NHS: variants seen among roughly 807,000 people sequenced by gnomAD.
NHS encodes the protein NHS actin remodeling regulator.
Under a neutral mutation model 72.5 loss-of-function variants are expected in NHS, and 5 were observed. The observed-to-expected ratio is 0.07, with a 90% CI of 0.04 to 0.14. The LOEUF (loss-of-function observed/expected upper bound fraction) is 0.14, where lower values mean the gene tolerates loss of function less well. NHS is among the 10% of genes least tolerant of loss of function. The pLI, the probability that NHS is intolerant of heterozygous loss-of-function variation, is 1.00. For missense variants in NHS, 1,072 were observed against 1,355.7 expected (o/e 0.79, Z 3.29); for synonymous variants, 464 against 547.7 (o/e 0.85, Z 2.13).
chrX:17,598,281 A>G (rs1261327420), intron 1 of NHS, among the ~76,000 whole-genome samples: 6 of 111,776 alleles, frequency 5.4e-5, no homozygotes, highest in Non-Finnish European at 1.1e-4. Context: ...GGGAGTCCAG[A>G]CTCCAAGTCA....
chrX:17,600,224 C>T (rs866847277), intron 1 of NHS, among the ~76,000 whole-genome samples: 3 of 110,458 alleles, frequency 2.7e-5, no homozygotes, highest in Non-Finnish European at 5.7e-5. Context: ...AAAAAGTTTG[C>T]GCTGGAAAAG....
intron 1 of NHS, among the ~76,000 whole-genome samples, chrX:17,539,522 C>T (rs755401592): frequency 1.8e-5 from 2 of 110,111 alleles, no homozygotes; most frequent in South Asian, 4.0e-4. Context: ...ACAAAATTAT[C>T]GAATGAATGA....
In NHS at chrX:17,560,217, G is replaced by A. The variant is rs773814604; in HGVS notation, c.566-127525G>A. 2.6e-4 allele frequency among the ~76,000 whole-genome samples: 29 copies of A among 111,484 alleles called. No homozygotes were observed. In the South Asian group the frequency reaches 0.011, roughly 42 times the overall value. On this transcript the variant is annotated intron_variant, in intron 1 of 8. Transcript: ENST00000676302. ...GAGCCAGCCCTCTCTCCTTTGGGCT[G>A]CCTGCTTCCAAGCCCTGTTTAACTT... is the stretch of plus-strand genomic sequence containing the variant.
chrX:17,718,185 T>C (rs1254371876), intron 3 of NHS, among the ~76,000 whole-genome samples: 3 of 110,263 alleles, frequency 2.7e-5, no homozygotes, highest in Non-Finnish European at 3.8e-5. Flanking sequence ...ATGAGGAAAC[T>C]GACCTTGGGG....
At chrX:17,429,411 C>G (rs1174411676) in intron 1 of NHS, among the ~76,000 whole-genome samples, 1 of 111,758 alleles carries the variant, frequency 8.9e-6, no homozygotes, top group Non-Finnish European at 1.9e-5. Flanking sequence ...TGCTGGGTAT[C>G]AAAATCCAGT....
At chrX:17,545,384 C>G (rs1379994138) in intron 1 of NHS, among the ~76,000 whole-genome samples, 2 of 112,145 alleles carry the variant, frequency 1.8e-5, no homozygotes. Flanking sequence ...GTTCGGAAAC[C>G]AGGCTCTTCC....
chrX:17,727,454 G>C lies in NHS; in HGVS notation c.3348G>C (p.Gln1116His). 8.3e-7 allele frequency: 1 copy of C among 1,211,388 alleles called. No homozygotes were observed. The highest frequency in any genetic ancestry group is 2.3e-4 in the Middle Eastern group (1 of 4,354). ...HPLHVFTHNK[Q>H]NTVGETLRSN... ...TGCATGTTTTTACTCATAATAAGCA[G>C]AACACAGTAGGAGAAACACTGAGGT... The change falls in exon 7 of 9, where the codon CAG becomes CAC. Residue 1116 changes from glutamine (Q) to histidine (H), a missense_variant. Coordinates refer to ENST00000676302, the MANE Select transcript of NHS (RefSeq NM_001291867.2).
intron 1 of NHS, among the ~76,000 whole-genome samples, chrX:17,538,512 G>C (rs781057275): frequency 1.8e-5 from 2 of 111,747 alleles, no homozygotes; most frequent in East Asian, 2.8e-4. Context: ...CTGCCTAGGA[G>C]GTGAGGAAGC....
chrX:17,607,791 AAT>A (rs1348823753), intron 1 of NHS, among the ~76,000 whole-genome samples: 1 of 110,541 alleles, frequency 9.0e-6, no homozygotes, highest in Non-Finnish European at 1.9e-5. Flanking sequence ...TATAAATATA[AAT>A]ATATGTGACT....
intron 1 of NHS, among the ~76,000 whole-genome samples, chrX:17,479,469 G>A (rs1431538619): frequency 2.7e-5 from 3 of 112,192 alleles, no homozygotes; most frequent in Non-Finnish European, 5.6e-5. Flanking sequence ...GATCCTTGAG[G>A]AATCACCACA....
intron 1 of NHS, among the ~76,000 whole-genome samples, chrX:17,378,723 C>G (rs917855226): frequency 2.0e-4 from 22 of 112,062 alleles, no homozygotes; most frequent in African/African-American, 6.2e-4. Flanking sequence ...GCTGGCGACC[C>G]TCTGAGCACA....
intron 1 of NHS, among the ~76,000 whole-genome samples, chrX:17,615,172 CGTATATATATA>C (rs1353758070): frequency 2.2e-3 from 87 of 39,121 alleles, no homozygotes; most frequent in Admixed American, 9.2e-3. Context: ...TATATATATA[CGTATATATATA>C]GTATATATAC....
intron 1 of NHS, among the ~76,000 whole-genome samples, chrX:17,389,664 C>G (rs1002088812): frequency 1.8e-5 from 2 of 109,780 alleles, no homozygotes; most frequent in South Asian, 7.8e-4. Flanking sequence ...TACAGTGGTG[C>G]AATCTCAGCT....
chrX:17,457,390 C>T (rs1157143922), intron 1 of NHS, among the ~76,000 whole-genome samples: 1 of 110,998 alleles, frequency 9.0e-6, no homozygotes, highest in East Asian at 2.9e-4. Context: ...TGAAGGGAGT[C>T]ACCTGGCATC....
intron 1 of NHS, among the ~76,000 whole-genome samples, chrX:17,400,841 A>G (rs2064499925): frequency 8.9e-6 from 1 of 111,943 alleles, no homozygotes; most frequent in South Asian, 3.8e-4. Flanking sequence ...AATGCAATCC[A>G]TATCAAAATC....
At chrX:17,536,150 T>A (rs957402529) in intron 1 of NHS, among the ~76,000 whole-genome samples, 13 of 111,348 alleles carry the variant, frequency 1.2e-4, no homozygotes, top group Non-Finnish European at 7.5e-5. Flanking sequence ...GGTCAGGAGA[T>A]CAAGACCATC....
At chrX:17,531,566 C>T (rs2065198823) in intron 1 of NHS, among the ~76,000 whole-genome samples, 1 of 112,606 alleles carries the variant, frequency 8.9e-6, no homozygotes, top group Non-Finnish European at 1.9e-5. Context: ...CACCATTATT[C>T]CCCCCTCCTC....
intron 1 of NHS, among the ~76,000 whole-genome samples, chrX:17,493,232 T>C (rs974248391): frequency 1.8e-5 from 2 of 111,944 alleles, no homozygotes; most frequent in African/African-American, 3.3e-5. Context: ...CTTTGACTTA[T>C]ACATAGTAGG....
chrX:17,566,214 C>T (rs1256048678), intron 1 of NHS, among the ~76,000 whole-genome samples: 1 of 110,441 alleles, frequency 9.1e-6, no homozygotes, highest in Non-Finnish European at 1.9e-5. Context: ...AACTCCTGGG[C>T]TCAAGCGATC....
Sources: gnomAD v4.1 joint callset for allele counts (sites outside exome capture counted in the v4.1 genomes callset) on GRCh38, gnomAD v4.1.1 for gene constraint, MANE v1.5 for transcripts, NCBI Gene and HGNC (gene_info 2026-07-23, HGNC 2026-07-21) for gene names.